Variants in CPNE8 observed in about 807,000 individuals in gnomAD.
The protein encoded by CPNE8 is copine 8.
Under a neutral mutation model 81.5 loss-of-function variants are expected in CPNE8, and 45 were observed. The observed-to-expected ratio is 0.55, with a 90% CI of 0.44 to 0.71. The LOEUF (loss-of-function observed/expected upper bound fraction) is 0.71. CPNE8 is among the 30% of genes least tolerant of loss of function. The pLI, the probability that CPNE8 is intolerant of heterozygous loss-of-function variation, is 0.00. For synonymous variants in CPNE8, 252 were observed against 226.3 expected (o/e 1.11, Z -1.02); for missense variants, 594 against 672.1 (o/e 0.88, Z 1.28).
In CPNE8 at chr12:38,677,532, C is replaced by T. The variant is rs1225890141; in HGVS notation, c.1294G>A (p.Gly432Ser). 6.2e-7 allele frequency: 1 copy of T among 1,610,900 alleles called. No individual in the cohort carries two copies. Among genetic ancestry groups the T allele is most frequent in the Non-Finnish European group, 8.5e-7 (1 of 1,177,724 alleles). ...ATCAGAAGCACAAAATACTGGGAGC[C>T]ATCCTTTACAGAAGAAGCATATCTG... ...VARYASSVKD[G>S]SQYFVLLIVT... The change falls in exon 17 of 20, where the codon GGC becomes AGC. Residue 432 changes from glycine (G) to serine (S), a missense_variant. Transcript: ENST00000331366.
At chr12:38,892,478 G>A (rs1944326619) in intron 1 of CPNE8, among the ~76,000 whole-genome samples, 1 of 152,224 alleles carries the variant, frequency 6.6e-6, no homozygotes, top group Non-Finnish European at 1.5e-5. Context: ...AAATGGAAAG[G>A]AGGTGACCGA....
intron 5 of CPNE8, among the ~76,000 whole-genome samples, chr12:38,834,313 G>A (rs185014575): frequency 1.4e-3 from 217 of 152,090 alleles, no homozygotes; most frequent in South Asian, 5.0e-3. Context: ...TGCTTACTGG[G>A]GGTCTCAAAT....
At chr12:38,688,598 GGTGTGTGTGT>G (rs56769844) in intron 15 of CPNE8, among the ~76,000 whole-genome samples, 11 of 148,642 alleles carry the variant, frequency 7.4e-5, no homozygotes, top group Non-Finnish European at 7.5e-5. Flanking sequence ...AAGAAAATGT[GGTGTGTGTGT>G]GTGTGTGTGT....
chr12:38,799,089 C>G (rs138350804), intron 6 of CPNE8, among the ~76,000 whole-genome samples: 1 of 152,104 alleles, frequency 6.6e-6, no homozygotes, highest in African/African-American at 2.4e-5. Context: ...GACTCCCACA[C>G]AATAATAATG....
intron 6 of CPNE8, among the ~76,000 whole-genome samples, chr12:38,789,921 C>T (rs951257457): frequency 2.0e-5 from 3 of 151,642 alleles, no homozygotes; most frequent in African/African-American, 4.8e-5. Flanking sequence ...GTTCAAATGG[C>T]TTATATCGGA....
chr12:38,757,243 C>T (rs1941480262), intron 10 of CPNE8, among the ~76,000 whole-genome samples: 1 of 151,588 alleles, frequency 6.6e-6, no homozygotes, highest in African/African-American at 2.4e-5. Context: ...GACAGGAATA[C>T]AAAAATAAGT....
intron 1 of CPNE8, among the ~76,000 whole-genome samples, chr12:38,883,865 A>AGAC (rs1466575771): frequency 1.3e-5 from 2 of 152,190 alleles, no homozygotes; most frequent in African/African-American, 2.4e-5. Context: ...GACAGTGTCT[A>AGAC]ACTTTCTGGT....
intron 1 of CPNE8, among the ~76,000 whole-genome samples, chr12:38,884,096 T>G (rs1265817891): frequency 6.6e-6 from 1 of 152,166 alleles, no homozygotes; most frequent in Non-Finnish European, 1.5e-5. Context: ...GTTGATAGTA[T>G]ATTCACAGAG....
intron 1 of CPNE8, among the ~76,000 whole-genome samples, chr12:38,875,709 G>T (rs1944056469): frequency 6.6e-6 from 1 of 152,138 alleles, no homozygotes; most frequent in African/African-American, 2.4e-5. Flanking sequence ...CACAAACAAT[G>T]AAATGAGATC....
chr12:38,756,888 T>C (rs1173128899), intron 10 of CPNE8, among the ~76,000 whole-genome samples: 1 of 152,222 alleles, frequency 6.6e-6, no homozygotes, highest in Admixed American at 6.5e-5. Flanking sequence ...ATAAAATGTA[T>C]ACCACATTTC....
At chr12:38,874,131 A>AT (rs1352111263) in intron 2 of CPNE8, among the ~76,000 whole-genome samples, 4 of 152,204 alleles carry the variant, frequency 2.6e-5, no homozygotes, top group African/African-American at 9.6e-5. Flanking sequence ...AAGAAAAAAA[A>AT]GAAACGTATT....
intron 10 of CPNE8, among the ~76,000 whole-genome samples, chr12:38,740,858 T>A (rs7971223): frequency 0.81 from 122,524 of 151,944 alleles, 52,369 homozygotes; most frequent in Middle Eastern, 0.97. Flanking sequence ...TCTCTTTTTT[T>A]GTTGTGTCTC....
chr12:38,844,398 A>G (rs1006495049), intron 4 of CPNE8, among the ~76,000 whole-genome samples: 10 of 152,192 alleles, frequency 6.6e-5, no homozygotes, highest in Non-Finnish European at 1.3e-4. Context: ...TGGATTTATT[A>G]GGAACCTGTA....
chr12:38,901,082 G>A (rs1219522798), intron 1 of CPNE8, among the ~76,000 whole-genome samples: 4 of 152,114 alleles, frequency 2.6e-5, no homozygotes, highest in South Asian at 2.1e-4. Context: ...TTAGCTGGGC[G>A]TGGTGGTAGG....
chr12:38,857,488 G>T (rs1485751299), intron 3 of CPNE8, among the ~76,000 whole-genome samples: 6 of 151,296 alleles, frequency 4.0e-5, no homozygotes. Context: ...CTTTATCAAT[G>T]TCGATATTCT....
At chr12:38,664,062 C>G (rs917007295) in intron 19 of CPNE8, among the ~76,000 whole-genome samples, 1 of 151,998 alleles carries the variant, frequency 6.6e-6, no homozygotes, top group African/African-American at 2.4e-5. Flanking sequence ...TGTTCTCTAG[C>G]ACTGTAGGGT....
intron 10 of CPNE8, among the ~76,000 whole-genome samples, chr12:38,737,496 A>ATG (rs1299331590): frequency 2.0e-5 from 3 of 152,160 alleles, no homozygotes; most frequent in African/African-American, 7.2e-5. Context: ...ACTCATTTAC[A>ATG]TACTGGGATA....
chr12:38,797,307 G>A (rs888641642), intron 6 of CPNE8, among the ~76,000 whole-genome samples: 2 of 152,178 alleles, frequency 1.3e-5, no homozygotes, highest in Non-Finnish European at 2.9e-5. Flanking sequence ...CCCAGTAGGG[G>A]CAGACTGACA....
chr12:38,745,010 A>C (rs893257866), intron 10 of CPNE8, among the ~76,000 whole-genome samples: 2 of 152,198 alleles, frequency 1.3e-5, no homozygotes, highest in Non-Finnish European at 2.9e-5. Context: ...ACCTTTGGCC[A>C]TGCCAAAATG....
Sources: allele counts gnomAD v4.1 joint callset (sites outside exome capture counted in the v4.1 genomes callset), GRCh38; gene constraint gnomAD v4.1.1; transcripts MANE v1.5; gene names NCBI Gene and HGNC (gene_info 2026-07-23, HGNC 2026-07-21).